MOCOS: variants seen among roughly 807,000 people sequenced by gnomAD.
MOCOS encodes molybdenum cofactor sulfurase.
Under a neutral mutation model 83.6 loss-of-function variants are expected in MOCOS, and 86 were observed. The observed-to-expected ratio is 1.03, with a 90% CI of 0.86 to 1.23. MOCOS has a LOEUF of 1.23. Ranked by LOEUF, MOCOS falls within the 50% of genes most tolerant of loss-of-function variation. The pLI is 0.00. For missense variants in MOCOS, 1,120 were observed against 1,126.9 expected (o/e 0.99, Z 0.09); for synonymous variants, 445 against 434.7 (o/e 1.02, Z -0.29).
intron 9 of MOCOS, among the ~76,000 whole-genome samples, chr18:36,233,056 A>G (rs1172727852): frequency 6.6e-6 from 1 of 152,066 alleles, no homozygotes; most frequent in Non-Finnish European, 1.5e-5. Context: ...TTTTTGGGAA[A>G]CAGGTGGTGT....
At chr18:36,216,073 T>TTCA in intron 8 of MOCOS, 96 bp downstream of exon 8, 1 of 1,269,036 alleles carries the variant, frequency 7.9e-7, no homozygotes, top group Non-Finnish European at 1.1e-6. Context: ...ATCAAAATCA[T>TTCA]TCATCAGAGT....
At chr18:36,194,082 AAC>A (rs1462302728) in intron 1 of MOCOS, among the ~76,000 whole-genome samples, 1 of 152,268 alleles carries the variant, frequency 6.6e-6, no homozygotes, top group Non-Finnish European at 1.5e-5. Context: ...AAATGTTCAG[AAC>A]AGGCAAATCT....
At chr18:36,194,502 A>G (rs1000029726) in intron 1 of MOCOS, among the ~76,000 whole-genome samples, 9 of 152,238 alleles carry the variant, frequency 5.9e-5, no homozygotes, top group Admixed American at 5.9e-4. Context: ...AGTTCGTCGA[A>G]TAGCCTTATA....
rs1450695019 is a variant in MOCOS at position 36,187,730 on chromosome 18, G to C, written c.142+49G>C. The C allele has an allele frequency of 4.0e-6, 5 of 1,251,602 alleles. No individual in the cohort carries two copies. In the Admixed American group the frequency reaches 1.6e-4, roughly 39 times the overall value. 77.5% of individuals were successfully genotyped at this position (1,251,602 alleles called of 1,614,324 possible). A position where few individuals can be genotyped will look rare whatever the true frequency, so the allele number is the denominator to read the frequency against. ...GGGACACGAGGTTTCTGGAACCGAC[G>C]TGGACGGATCTTTTGCTCCTAGTGA... On this transcript the variant is annotated intron_variant, in intron 1 of 14. Coordinates refer to ENST00000261326, the MANE Select transcript of MOCOS (RefSeq NM_017947.4).
chr18:36,211,394 A>G (rs2091454954), intron 6 of MOCOS, among the ~76,000 whole-genome samples: 1 of 152,194 alleles, frequency 6.6e-6, no homozygotes, highest in Non-Finnish European at 1.5e-5. Context: ...TAAGTTCTCC[A>G]AGACTCTGTG....
At chr18:36,197,713 T>C (rs2091394943) in intron 2 of MOCOS, among the ~76,000 whole-genome samples, 1 of 151,642 alleles carries the variant, frequency 6.6e-6, no homozygotes, top group African/African-American at 2.4e-5. Flanking sequence ...TTCAAGGTTA[T>C]AGTGAGCTAT....
At chr18:36,261,192 A>G (rs1354869523) in intron 13 of MOCOS, among the ~76,000 whole-genome samples, 3 of 152,146 alleles carry the variant, frequency 2.0e-5, no homozygotes, top group African/African-American at 7.2e-5. Flanking sequence ...TTTTTATAAT[A>G]CAGGCTGAAC....
At chr18:36,240,588 G>C (rs973878150) in intron 9 of MOCOS, among the ~76,000 whole-genome samples, 6 of 151,918 alleles carry the variant, frequency 3.9e-5, no homozygotes, top group African/African-American at 7.3e-5. Flanking sequence ...CTGTCTTTTT[G>C]TTTGTCTGTG....
chr18:36,192,797 G>A (rs1335883571), intron 1 of MOCOS, among the ~76,000 whole-genome samples: 6 of 151,932 alleles, frequency 3.9e-5, no homozygotes, highest in Admixed American at 3.9e-4. Flanking sequence ...ACAGGCGCAC[G>A]CCATTACCGC....
At position 36,270,256 on chromosome 18, in the gene MOCOS, G is replaced by A. The variant is rs373550784; in HGVS notation, c.*1571G>A. The stretch of plus-strand genomic sequence containing the variant: ...ACTTGTCCTCATCAGCTAACTGATA[G>A]GAGAACAATGCCCTAAAGTAATGGA... On this transcript the variant is annotated 3_prime_UTR_variant, in exon 15 of 15. Coordinates refer to ENST00000261326, the MANE Select transcript of MOCOS (RefSeq NM_017947.4). The A allele has an allele frequency of 3.0e-4, 46 of 152,332 alleles. No homozygotes were observed. Among genetic ancestry groups the A allele is most frequent in the African/African-American group, 9.6e-4 (40 of 41,562 alleles). The allele number at this position is 152,332 out of a possible 1,614,324, so 9.4% of individuals were successfully genotyped here. A position where few individuals can be genotyped will look rare whatever the true frequency, so the allele number is the denominator to read the frequency against.
intron 2 of MOCOS, 90 bp from the exon 3 acceptor site, chr18:36,198,600 T>G: frequency 7.6e-7 from 1 of 1,315,698 alleles, no homozygotes; most frequent in Non-Finnish European, 1.1e-6. Context: ...TGTTGAGCTT[T>G]TTGAGAAACT....
intron 9 of MOCOS, among the ~76,000 whole-genome samples, chr18:36,234,273 A>G (rs1598584339): frequency 6.6e-6 from 1 of 152,292 alleles, no homozygotes; most frequent in Non-Finnish European, 1.5e-5. Context: ...TCCCAGCACC[A>G]TTTGTTGAAT....
intron 12 of MOCOS, among the ~76,000 whole-genome samples, chr18:36,258,959 T>C (rs569536078): frequency 3.8e-4 from 58 of 152,230 alleles, no homozygotes; most frequent in African/African-American, 1.3e-3. Flanking sequence ...ACCACTATTC[T>C]GACTTCTTTC....
At chr18:36,195,443 A>G in intron 2 of MOCOS, 97 bp downstream of exon 2, 1 of 1,175,084 alleles carries the variant, frequency 8.5e-7, no homozygotes, top group South Asian at 1.2e-5. Flanking sequence ...GAATATTCTG[A>G]CCACAAAAAG....
chr18:36,268,525 G>A lies in MOCOS; in HGVS notation c.2515-8G>A. On this transcript the variant is annotated splice_region_variant and splice_polypyrimidine_tract_variant and intron_variant, in intron 14 of 14. Transcript: ENST00000261326. Reference sequence around the variant, plus strand: ...CCTTTTTTGTTGTTGTTGCTGTTTTGTTCACAGGTGAACTTTGGCATGTAC... The same window carrying A: ...CCTTTTTTGTTGTTGTTGCTGTTTTATTCACAGGTGAACTTTGGCATGTAC... 6.2e-7 allele frequency: 1 copy of A among 1,613,806 alleles called. No homozygotes were observed. The highest frequency in any genetic ancestry group is 1.7e-5 in the Admixed American group (1 of 59,976).
intron 4 of MOCOS, among the ~76,000 whole-genome samples, chr18:36,202,010 G>T (rs956883264): frequency 1.3e-5 from 2 of 152,056 alleles, no homozygotes; most frequent in Non-Finnish European, 1.5e-5. Flanking sequence ...TGAATGGGCT[G>T]GGGGGGATCA....
rs182513716 is a variant in MOCOS, at chr18:36,235,044, C to T, written c.1961-13878C>T. ...GGATACAGAGCCACACCATATTATT[C>T]TGCCCCTGGCCCCTCCCAAATCTCA... On this transcript the variant is annotated intron_variant, in intron 9 of 14. Coordinates refer to ENST00000261326, the MANE Select transcript of MOCOS (RefSeq NM_017947.4). Among the ~76,000 whole-genome samples, 31 of 152,248 alleles carry T rather than the reference C, an allele frequency of 2.0e-4. No individual in the cohort carries two copies. The East Asian group carries it at 5.8e-3, about 28-fold the overall frequency.
intron 9 of MOCOS, among the ~76,000 whole-genome samples, chr18:36,243,483 T>A (rs897630374): frequency 2.0e-5 from 3 of 152,196 alleles, no homozygotes; most frequent in African/African-American, 7.2e-5. Flanking sequence ...TGGTGTCTTA[T>A]CTTTATGATA....
Position 36,239,118 on chromosome 18 carries a change from C to A in MOCOS, c.1961-9804C>A, listed in dbSNP as rs1159902586. On this transcript the variant is annotated intron_variant, in intron 9 of 14. Coordinates refer to ENST00000261326, the MANE Select transcript of MOCOS (RefSeq NM_017947.4). ...GCCAGTCTGTGTCTTTTAATTGGAGCATTTAGTCCATTTACATTTAAAGTT... is the reference window on the plus strand; with the variant it reads ...GCCAGTCTGTGTCTTTTAATTGGAGAATTTAGTCCATTTACATTTAAAGTT... 4.1e-4 allele frequency among the ~76,000 whole-genome samples: 61 copies of A among 150,008 alleles called. 1 individual carries two copies. The highest frequency in any genetic ancestry group is 1.4e-3 in the African/African-American group (58 of 41,114).
Sources: gnomAD v4.1 joint callset for allele counts (sites outside exome capture counted in the v4.1 genomes callset) on GRCh38, gnomAD v4.1.1 for gene constraint, MANE v1.5 for transcripts, NCBI Gene and HGNC (gene_info 2026-07-23, HGNC 2026-07-21) for gene names.